The following NELL1 variants were observed in gnomAD, a reference collection of about 807,000 sequenced individuals.
NELL1 encodes neural EGFL like 1.
Under a neutral mutation model 107.4 loss-of-function variants are expected in NELL1, and 76 were observed. The ratio of observed to expected loss-of-function variants is 0.71; its 90% confidence interval spans 0.59 to 0.86. NELL1 has a LOEUF of 0.86. Among genes scored for constraint, NELL1 ranks in the 40% least tolerant of loss-of-function variants. NELL1 has a pLI of 0.00. For synonymous variants in NELL1, 353 were observed against 341.2 expected (o/e 1.03, Z -0.38); for missense variants, 1,024 against 1,005.5 (o/e 1.02, Z -0.25).
chr11:20,871,527 C>T (rs1403875073), intron 4 of NELL1, among the ~76,000 whole-genome samples: 1 of 152,156 alleles, frequency 6.6e-6, no homozygotes, highest in Non-Finnish European at 1.5e-5. Flanking sequence ...ATCCAAACAA[C>T]TATTATTAAT....
At position 21,304,784 on chromosome 11, in the gene NELL1, C is replaced by T. The variant is rs573657095; in HGVS notation, c.1550-66069C>T. On this transcript the variant is annotated intron_variant, in intron 14 of 19. Coordinates refer to ENST00000357134, the MANE Select transcript of NELL1 (RefSeq NM_006157.5). ...TATATTGTTTCTTCCATTTCCCCTG[C>T]AGTAGGGTGCAAATACCAGTGCCAC... Among the ~76,000 whole-genome samples, 5 of 151,934 alleles carry T rather than the reference C, an allele frequency of 3.3e-5. No homozygotes were observed. In the South Asian group the frequency reaches 1.0e-3, roughly 32 times the overall value.
At chr11:21,172,960 T>C (rs1210599880) in intron 13 of NELL1, among the ~76,000 whole-genome samples, 1 of 151,542 alleles carries the variant, frequency 6.6e-6, no homozygotes, top group Non-Finnish European at 1.5e-5. Context: ...GATGCTACTT[T>C]GATTTATAGA....
At chr11:20,906,066 T>G (rs1328058330) in intron 5 of NELL1, among the ~76,000 whole-genome samples, 2 of 152,112 alleles carry the variant, frequency 1.3e-5, no homozygotes, top group Non-Finnish European at 2.9e-5. Flanking sequence ...ATACAAGGAC[T>G]TCTTCATGAG....
At chr11:21,069,670 AG>A (rs538112664) in intron 12 of NELL1, among the ~76,000 whole-genome samples, 8 of 152,326 alleles carry the variant, frequency 5.3e-5, no homozygotes, top group African/African-American at 1.4e-4. Flanking sequence ...AAAATTAACT[AG>A]ATTTTTGGTT....
intron 15 of NELL1, among the ~76,000 whole-genome samples, chr11:21,384,513 G>A (rs1213710762): frequency 6.6e-6 from 1 of 151,684 alleles, no homozygotes; most frequent in Non-Finnish European, 1.5e-5. Context: ...AGTTACATAG[G>A]TATACATGTG....
chr11:21,382,764 A>G (rs1284845725), intron 15 of NELL1, among the ~76,000 whole-genome samples: 1 of 151,938 alleles, frequency 6.6e-6, no homozygotes, highest in Non-Finnish European at 1.5e-5. Flanking sequence ...TACCTTGCCT[A>G]TTTAGTAATG....
At chr11:21,353,368 G>A (rs1374907241) in intron 14 of NELL1, among the ~76,000 whole-genome samples, 15 of 152,186 alleles carry the variant, frequency 9.9e-5, no homozygotes, top group Non-Finnish European at 2.2e-4. Flanking sequence ...CATTTCACAA[G>A]TGAGGAAACT....
chr11:20,930,705 T>C (rs1850600165), intron 9 of NELL1, among the ~76,000 whole-genome samples: 1 of 152,194 alleles, frequency 6.6e-6, no homozygotes, highest in African/African-American at 2.4e-5. Context: ...GTCATTTTTC[T>C]TTGTGCTAAT....
At chr11:20,682,240 T>C (rs986413085) in intron 2 of NELL1, among the ~76,000 whole-genome samples, 1 of 152,000 alleles carries the variant, frequency 6.6e-6, no homozygotes, top group Non-Finnish European at 1.5e-5. Flanking sequence ...TATTGTGCGC[T>C]GCATCTTTAA....
intron 14 of NELL1, among the ~76,000 whole-genome samples, chr11:21,290,371 A>AAAAT (rs1424649961): frequency 9.7e-5 from 14 of 143,834 alleles, no homozygotes; most frequent in Non-Finnish European, 1.2e-4. Flanking sequence ...GCCATCTCAA[A>AAAAT]AAATAAATAA....
intron 15 of NELL1, among the ~76,000 whole-genome samples, chr11:21,490,661 C>T (rs924475792): frequency 6.6e-6 from 1 of 151,950 alleles, no homozygotes; most frequent in African/African-American, 2.4e-5. Flanking sequence ...TTACAGCCAA[C>T]TGATTTTTAA....
intron 5 of NELL1, among the ~76,000 whole-genome samples, chr11:20,912,025 C>G (rs1309105099): frequency 6.6e-6 from 1 of 152,170 alleles, no homozygotes; most frequent in African/African-American, 2.4e-5. Flanking sequence ...ATTCAACAAC[C>G]ACATCTGCTG....
intron 15 of NELL1, among the ~76,000 whole-genome samples, chr11:21,455,301 C>CA (rs1853697818): frequency 8.2e-6 from 1 of 121,792 alleles, no homozygotes; most frequent in Non-Finnish European, 1.7e-5. Flanking sequence ...TGGCTATTTC[C>CA]TTTTTTTTTT....
intron 15 of NELL1, among the ~76,000 whole-genome samples, chr11:21,505,394 G>GA (rs1191260044): frequency 4.9e-5 from 7 of 144,176 alleles, no homozygotes; most frequent in East Asian, 3.9e-4. Flanking sequence ...TACTGCTTCT[G>GA]AAAAAAAACA....
chr11:21,146,217 G>T (rs760794717), intron 13 of NELL1, among the ~76,000 whole-genome samples: 1 of 150,922 alleles, frequency 6.6e-6, no homozygotes, highest in Non-Finnish European at 1.5e-5. Context: ...CTACCAATCA[G>T]AATCTGACAG....
chr11:20,703,667 T>C (rs1854859590), intron 2 of NELL1, among the ~76,000 whole-genome samples: 2 of 152,242 alleles, frequency 1.3e-5, no homozygotes, highest in South Asian at 4.1e-4. Context: ...CTCTACACAC[T>C]GCTTTAAATG....
chr11:21,106,777 TC>T (rs1228267719), intron 12 of NELL1, among the ~76,000 whole-genome samples: 2 of 152,174 alleles, frequency 1.3e-5, no homozygotes, highest in East Asian at 1.9e-4. Context: ...CATTTGTTTT[TC>T]CCCCCTTGCT....
chr11:21,021,544 A>G (rs1046700410), intron 12 of NELL1, among the ~76,000 whole-genome samples: 1 of 152,076 alleles, frequency 6.6e-6, no homozygotes, highest in Non-Finnish European at 1.5e-5. Context: ...TATTATTGCT[A>G]ATTATAGTTT....
Position 21,504,996 on chromosome 11 carries a change from C to T in NELL1, c.1646-29378C>T, listed in dbSNP as rs935711143. 2.6e-5 allele frequency among the ~76,000 whole-genome samples: 4 copies of T among 152,206 alleles called. No homozygotes were observed. The East Asian group carries it at 7.7e-4, about 29-fold the overall frequency. On this transcript the variant is annotated intron_variant, in intron 15 of 19. Transcript: ENST00000357134. The stretch of plus-strand genomic sequence containing the variant: ...CACAATAAATACCCCAAACATTTTC[C>T]CCCTTTTTTATTGTTTAGTTTGAAT...
Sources: allele counts gnomAD v4.1 joint callset (sites outside exome capture counted in the v4.1 genomes callset), GRCh38; gene constraint gnomAD v4.1.1; transcripts MANE v1.5; gene names NCBI Gene and HGNC (gene_info 2026-07-23, HGNC 2026-07-21).